Variants in TYW3 observed in about 807,000 individuals in gnomAD.
TYW3 encodes the protein tRNA wybutosine-synthesizing protein 3 homolog.
TYW3 carries 26 observed loss-of-function variants against 23.1 expected under a neutral mutation model. That is an observed-to-expected ratio of 1.13 (90% CI 0.83 to 1.56). The LOEUF is 1.56. Among genes scored for constraint, TYW3 ranks in the 40% most tolerant of loss-of-function variants. TYW3 has a pLI of 0.00. For synonymous variants in TYW3, 102 were observed against 105.7 expected (o/e 0.97, Z 0.21); for missense variants, 316 against 311.9 (o/e 1.01, Z -0.10).
intron 5 of TYW3, among the ~76,000 whole-genome samples, chr1:74,754,145 G>C (rs139546420): frequency 2.0e-5 from 3 of 152,230 alleles, no homozygotes; most frequent in African/African-American, 7.2e-5. Flanking sequence ...GAGACTGTTT[G>C]CTAAAACATA....
chr1:74,743,400 A>G (rs559292572), intron 3 of TYW3, among the ~76,000 whole-genome samples: 8 of 152,180 alleles, frequency 5.3e-5, no homozygotes, highest in African/African-American at 1.9e-4. Context: ...TTCAGGGCCC[A>G]GGGCTTGCTT....
intron 3 of TYW3, among the ~76,000 whole-genome samples, chr1:74,745,493 T>C (rs1648535076): frequency 6.6e-6 from 1 of 152,156 alleles, no homozygotes; most frequent in Non-Finnish European, 1.5e-5. Context: ...AGAGTGCTGA[T>C]TGGTGCGTTT....
At chr1:74,758,442 T>C (rs561931722) in intron 5 of TYW3, among the ~76,000 whole-genome samples, 1 of 152,270 alleles carries the variant, frequency 6.6e-6, no homozygotes, top group South Asian at 2.1e-4. Flanking sequence ...TTCTGATTCT[T>C]ATCATCATTT....
intron 5 of TYW3, among the ~76,000 whole-genome samples, chr1:74,753,224 C>G (rs1648848684): frequency 6.6e-6 from 1 of 152,182 alleles, no homozygotes; most frequent in Non-Finnish European, 1.5e-5. Context: ...TTGGCTACTT[C>G]CATTCAGTCA....
At chr1:74,736,920 C>G (rs571464055) in intron 2 of TYW3, among the ~76,000 whole-genome samples, 2 of 152,302 alleles carry the variant, frequency 1.3e-5, no homozygotes, top group African/African-American at 4.8e-5. Flanking sequence ...TTTGAAAACC[C>G]TGTAACCTAG....
chr1:74,735,156 AT>A (rs1333878326), intron 1 of TYW3, among the ~76,000 whole-genome samples: 1 of 152,226 alleles, frequency 6.6e-6, no homozygotes, highest in East Asian at 1.9e-4. Context: ...AACTCTGCTT[AT>A]CTCTCACCTA....
chr1:74,752,007 G>A (rs551974823), intron 4 of TYW3, among the ~76,000 whole-genome samples: 19 of 152,286 alleles, frequency 1.2e-4, no homozygotes, highest in African/African-American at 4.1e-4. Context: ...AAGCTATAGT[G>A]AGATTGAAAT....
At chr1:74,759,160 G>T (rs1483821519) in intron 5 of TYW3, among the ~76,000 whole-genome samples, 1 of 152,028 alleles carries the variant, frequency 6.6e-6, no homozygotes, top group Non-Finnish European at 1.5e-5. Context: ...TTAGAGATGG[G>T]GTGAGTACAA....
At chr1:74,743,477 CT>C (rs1464457414) in intron 3 of TYW3, among the ~76,000 whole-genome samples, 2 of 152,236 alleles carry the variant, frequency 1.3e-5, no homozygotes, top group East Asian at 1.9e-4. Flanking sequence ...TCAGTTGACC[CT>C]CGAGTGAGTC....
intron 4 of TYW3, among the ~76,000 whole-genome samples, chr1:74,749,370 G>T (rs1648697686): frequency 1.3e-5 from 2 of 152,214 alleles, no homozygotes; most frequent in African/African-American, 4.8e-5. Flanking sequence ...TATATGCCTT[G>T]CAAAGTCAAA....
chr1:74,762,603 A>G (rs992945576), intron 5 of TYW3, among the ~76,000 whole-genome samples: 70 of 152,184 alleles, frequency 4.6e-4, no homozygotes, highest in African/African-American at 1.6e-3. Flanking sequence ...CATGAAGTCT[A>G]TATTCCATAA....
At chr1:74,745,114 T>C (rs1361036215) in intron 3 of TYW3, among the ~76,000 whole-genome samples, 1 of 152,120 alleles carries the variant, frequency 6.6e-6, no homozygotes, top group Admixed American at 6.5e-5. Context: ...CTGGAGTTGT[T>C]TGTTCCTCCC....
rs557919403 is a variant in TYW3, at chr1:74,752,279, T to G, written c.427-13T>G. On this transcript the variant is annotated splice_polypyrimidine_tract_variant and intron_variant, in intron 4 of 5. Coordinates refer to ENST00000370867, the MANE Select transcript of TYW3 (RefSeq NM_138467.3). Reference sequence around the variant, plus strand: ...ATCTAAGTCTTCATATCTAAATTGTTTTTTCCTTGTAGGCTGTCCGGAGTA... The same window carrying G: ...ATCTAAGTCTTCATATCTAAATTGTGTTTTCCTTGTAGGCTGTCCGGAGTA... The G allele has an allele frequency of 6.3e-6, 10 of 1,582,306 alleles. No individual in the cohort carries two copies. In the South Asian group the frequency reaches 1.2e-4, roughly 19 times the overall value.
chr1:74,763,831 G>T, intron 5 of TYW3, 63 bp from the exon 6 acceptor site: 1 of 1,279,768 alleles, frequency 7.8e-7, no homozygotes, highest in Non-Finnish European at 1.1e-6. Flanking sequence ...TAAGCTCTTG[G>T]TGTATTTCAG....
intron 3 of TYW3, among the ~76,000 whole-genome samples, chr1:74,741,406 T>A (rs868430362): frequency 2.9e-4 from 44 of 152,054 alleles, no homozygotes; most frequent in African/African-American, 9.4e-4. Flanking sequence ...GTCCCGCAGG[T>A]TCCTCCGGGG....
rs1648018086 is a variant in TYW3 at position 74,733,839 on chromosome 1, A to G, written c.174+421A>G. 1.3e-5 allele frequency among the ~76,000 whole-genome samples: 2 copies of G among 152,372 alleles called. 1 individual carries two copies. Among genetic ancestry groups the G allele is most frequent in the South Asian group, 4.1e-4 (2 of 4,826 alleles). On this transcript the variant is annotated intron_variant, in intron 1 of 5. Coordinates refer to ENST00000370867, the MANE Select transcript of TYW3 (RefSeq NM_138467.3). ...GAATCCGCTCATCAACAGCTCTGGCAAATCATTGTTACTGCATGCTTGAAC... is the reference window on the plus strand; with the variant it reads ...GAATCCGCTCATCAACAGCTCTGGCGAATCATTGTTACTGCATGCTTGAAC...
At chr1:74,734,691 C>T (rs992098818) in intron 1 of TYW3, among the ~76,000 whole-genome samples, 1 of 152,210 alleles carries the variant, frequency 6.6e-6, no homozygotes, top group Non-Finnish European at 1.5e-5. Flanking sequence ...AGATTAAAAA[C>T]CACGGGCTAT....
rs540027809 is a variant in TYW3, at chr1:74,733,158, G to A, written c.-87G>A. The stretch of plus-strand genomic sequence containing the variant: ...ACGAAGAGGAAGTTTGGACCTTTTC[G>A]GCCACCGCTCGCTTCAATATGGCTG... On this transcript the variant is annotated 5_prime_UTR_variant, in exon 1 of 6. Transcript: ENST00000370867. The A allele has an allele frequency of 2.7e-6, 4 of 1,500,080 alleles. No homozygotes were observed. Among genetic ancestry groups the A allele is most frequent in the African/African-American group, 2.8e-5 (2 of 71,650 alleles). 92.9% of individuals were successfully genotyped at this position (1,500,080 alleles called of 1,614,324 possible). A position where few individuals can be genotyped will look rare whatever the true frequency, so the allele number is the denominator to read the frequency against.
intron 2 of TYW3, 24 bp downstream of exon 2, chr1:74,736,646 G>T: frequency 6.5e-7 from 1 of 1,541,692 alleles, no homozygotes; most frequent in South Asian, 1.2e-5. Flanking sequence ...AATAAATTTG[G>T]AAATAAACTT....
Sources: gnomAD v4.1 joint callset for allele counts (sites outside exome capture counted in the v4.1 genomes callset) on GRCh38, gnomAD v4.1.1 for gene constraint, MANE v1.5 for transcripts, NCBI Gene and HGNC (gene_info 2026-07-23, HGNC 2026-07-21) for gene names.